Variants in SETD1A observed in about 807,000 individuals in gnomAD.
The protein encoded by SETD1A is histone-lysine N-methyltransferase SETD1A.
In SETD1A, 29 loss-of-function variants were observed where a neutral mutation model predicts 149.9. The ratio of observed to expected loss-of-function variants is 0.19; its 90% CI spans 0.14 to 0.26. SETD1A has a LOEUF of 0.26. Among genes scored for constraint, SETD1A ranks in the 10% least tolerant of loss-of-function variants. The probability of loss-of-function intolerance (pLI) is 1.00; values close to 1 mark genes in which losing one functional copy is unlikely to be tolerated. For synonymous variants in SETD1A, 1,141 were observed against 968.5 expected, an observed-to-expected ratio of 1.18 and a Z score of -3.31; for missense variants, 2,109 against 2,353.1, an observed-to-expected ratio of 0.90 and a Z score of 2.15.
At chr16:30,971,870 G>A (rs1048260374) in intron 13 of SETD1A, 151 bp downstream of exon 13, 14 of 1,123,064 alleles carry the variant, frequency 1.2e-5, no homozygotes, top group Admixed American at 6.9e-5. Flanking sequence ...ACCTTCTAGA[G>A]ACATTGATTG....
In SETD1A at chr16:30,983,807, G is replaced by A. The variant is rs952682570; in HGVS notation, c.4950+35G>A. On this transcript the variant is annotated intron_variant, in intron 18 of 18. Coordinates refer to ENST00000262519, the MANE Select transcript of SETD1A (RefSeq NM_014712.3). This position sits in a 1 kb window ranked among gnomAD's most constrained non-coding sequence, Gnocchi z 6.8. ...GGGCCAGCCGGGGCAGGAGTTGGGG[G>A]TCGGTGGGGGTGGCCACGGCTCACA... 6 of 1,611,790 alleles carry A rather than the reference G, an allele frequency of 3.7e-6. No individual in the cohort carries two copies. The highest frequency in any genetic ancestry group is 5.1e-6 in the Non-Finnish European group (6 of 1,178,530).
At chr16:30,974,280 G>T (rs933506731) in intron 13 of SETD1A, among the ~76,000 whole-genome samples, 1 of 152,138 alleles carries the variant, frequency 6.6e-6, no homozygotes, top group Admixed American at 6.6e-5. Context: ...TAGAAACAGT[G>T]GCAGTTGGAT....
intron 6 of SETD1A, 24 bp downstream of exon 6, chr16:30,964,347 G>T (rs1202054509): frequency 4.4e-6 from 7 of 1,577,184 alleles, no homozygotes; most frequent in Non-Finnish European, 5.2e-6. Flanking sequence ...CCCGCCTGGG[G>T]CCCCGCCCGC....
In SETD1A at chr16:30,965,076, G is replaced by A. The variant is rs1453735016; in HGVS notation, c.1334G>A (p.Gly445Asp). 8 of 1,611,244 alleles carry A rather than the reference G, an allele frequency of 5.0e-6. No individual in the cohort carries two copies. The highest frequency in any genetic ancestry group is 5.9e-6 in the Non-Finnish European group (7 of 1,179,568). The change falls in exon 7 of 19, where the codon GGT (glycine) becomes GAT (aspartate). Residue 445 changes from glycine to aspartate, a missense_variant. Physicochemically the swap from Gly to Asp is moderately conservative, Grantham distance 94. Transcript: ENST00000262519. ...CCTCCAGAACCTGGTGGAGGCGGGG[G>A]TGGAGGAGGGCCCAGCCCTGAGAGA... Reference protein sequence around the residue: ...PEPPEPGGGGGGGGPSPEREE... With the variant: ...PEPPEPGGGGDGGGPSPEREE...
At chr16:30,960,304 C>T (rs1036962017) in intron 3 of SETD1A, among the ~76,000 whole-genome samples, 3 of 152,158 alleles carry the variant, frequency 2.0e-5, no homozygotes, top group African/African-American at 4.8e-5. Flanking sequence ...CCTTATCCTC[C>T]GCCTTGACAC....
At chr16:30,959,311 G>C (rs916705905) in intron 3 of SETD1A, 125 bp downstream of exon 3, 10 of 721,240 alleles carry the variant, frequency 1.4e-5, no homozygotes, top group Non-Finnish European at 2.2e-5. Flanking sequence ...AACCTCTGAG[G>C]CTGTGAGACT....
Position 30,969,669 on chromosome 16 carries a change from A to G in SETD1A, c.2996A>G (p.Lys999Arg). The change falls in exon 12 of 19, where the codon AAG (lysine) becomes AGG (arginine). Residue 999 changes from lysine to arginine, a missense_variant. This residue lies in a region of SETD1A where 832 missense variants were observed against 815.6 expected (regional missense o/e 1.02). Coordinates refer to ENST00000262519, the MANE Select transcript of SETD1A (RefSeq NM_014712.3). ...DREEAVDTTK[K>R]ETEVSDGEDE... ...GAGGAAGCTGTGGATACCACAAAGA[A>G]GGAGACAGAGGTGTCGGATGGTGAG... The G allele has an allele frequency of 6.2e-7, 1 of 1,614,074 alleles. No homozygotes were observed. The highest frequency in any genetic ancestry group is 8.5e-7 in the Non-Finnish European group (1 of 1,179,896).
At chr16:30,976,241 C>T (rs1460904712) in intron 13 of SETD1A, among the ~76,000 whole-genome samples, 3 of 152,132 alleles carry the variant, frequency 2.0e-5, no homozygotes, top group Non-Finnish European at 2.9e-5. Context: ...CAAAAAAAGC[C>T]AGGCATAGTG....
At chr16:30,976,980 G>A (rs934409228) in intron 13 of SETD1A, among the ~76,000 whole-genome samples, 3 of 151,836 alleles carry the variant, frequency 2.0e-5, no homozygotes, top group Admixed American at 6.6e-5. Context: ...ATGGAGTCTC[G>A]CTTTGTCACC....
At chr16:30,968,678 A>G (rs141391708) in intron 10 of SETD1A, among the ~76,000 whole-genome samples, 10,421 of 151,444 alleles carry the variant, frequency 0.069, 487 homozygotes, top group Non-Finnish European at 0.11. Flanking sequence ...GCGGGTGCCT[A>G]TAGTCCCAGC....
At chr16:30,982,339 A>T (rs2143597616) in intron 17 of SETD1A, among the ~76,000 whole-genome samples, 1 of 152,114 alleles carries the variant, frequency 6.6e-6, no homozygotes, top group East Asian at 1.9e-4. Flanking sequence ...CGTCTCTACT[A>T]AAAATACAAA....
In SETD1A at chr16:30,966,374, G is replaced by A. The variant is rs370861743; in HGVS notation, c.2493G>A (p.Glu831=). Residue 831 remains glutamate, a synonymous_variant, in exon 8 of 19, where the codon GAG becomes GAA. Coordinates refer to ENST00000262519, the MANE Select transcript of SETD1A (RefSeq NM_014712.3). ...TTGACCAGTGGTGGGAGAGCAAGGA[G>A]GAGAAGGCCAAGGTGAGGCCAGCGC... ...GAFDQWWESK[E]EKAKPFQNAA... 9 of 1,608,638 alleles carry A rather than the reference G, an allele frequency of 5.6e-6. No individual in the cohort carries two copies. In the African/African-American group the frequency reaches 6.7e-5, roughly 12 times the overall value.
In SETD1A at chr16:30,965,080, A is replaced by G. The variant is rs1475526161; in HGVS notation, c.1338A>G (p.Gly446=). ...CAGAACCTGGTGGAGGCGGGGGTGG[A>G]GGAGGGCCCAGCCCTGAGAGAGAAG... ...EPPEPGGGGG[G]GGPSPEREEV... is the part of the protein sequence containing the mutation. The change falls in exon 7 of 19, where the codon GGA becomes GGG. Residue 446 remains glycine (G), a synonymous_variant. Transcript: ENST00000262519. The G allele has an allele frequency of 1.9e-6, 3 of 1,610,900 alleles. No homozygotes were observed. In the East Asian group the frequency reaches 6.7e-5, roughly 36 times the overall value.
rs1384980927 is a variant in SETD1A, at chr16:30,984,007, G to A, written c.5108G>A (p.Arg1703Gln). ...TGTCTGTGTGGCACAGAGAGCTGCC[G>A]GGGCTCCCTAAACTGAGGTGGGGCA... ...IPCLCGTESCRGSLN is the reference protein window; with the variant it reads ...IPCLCGTESCQGSLN Residue 1703 changes from arginine (R) to glutamine (Q), a missense_variant, in exon 19 of 19, where the codon CGG becomes CAG. By Grantham distance (43) the Arg-to-Gln change is conservative. This residue lies in a region of SETD1A where 254 missense variants were observed against 409.3 expected (regional missense o/e 0.62). Coordinates refer to ENST00000262519, the MANE Select transcript of SETD1A (RefSeq NM_014712.3). 10 of 1,613,186 alleles carry A rather than the reference G, an allele frequency of 6.2e-6. No homozygotes were observed. The highest frequency in any genetic ancestry group is 7.6e-6 in the Non-Finnish European group (9 of 1,179,548).
At chr16:30,965,499 T>C in intron 7 of SETD1A, 38 bp downstream of exon 7, 1 of 1,582,368 alleles carries the variant, frequency 6.3e-7, no homozygotes, top group Non-Finnish European at 8.6e-7. Context: ...ACCTGGGCTC[T>C]GGGAGTCAGG....
intron 17 of SETD1A, among the ~76,000 whole-genome samples, chr16:30,982,756 C>CAG (rs1338539701): frequency 6.6e-6 from 1 of 151,892 alleles, no homozygotes; most frequent in Non-Finnish European, 1.5e-5. Flanking sequence ...GCAAGGGTGG[C>CAG]CCGACCCAAG....
rs1248299596 is a variant in SETD1A, at chr16:30,980,980, C to T, written c.4693-81C>T. 1 of 1,591,908 alleles carries T rather than the reference C, an allele frequency of 6.3e-7. No homozygotes were observed. The highest frequency in any genetic ancestry group is 1.3e-5 in the African/African-American group (1 of 74,600). On this transcript the variant is annotated intron_variant, in intron 16 of 18. Transcript: ENST00000262519. The surrounding 1 kb of genome is among the most constrained non-coding windows in gnomAD (Gnocchi z 7.7). ...GGGGGGTAAGCAGCCAGAACACCCT[C>T]TGCCCAGGAAGTCTGTGGGAAGAGT...
Position 30,980,111 on chromosome 16 carries a change from A to T in SETD1A, c.4325A>T (p.Tyr1442Phe), listed in dbSNP as rs1413233277. Residue 1442 changes from tyrosine to phenylalanine, a missense_variant, in exon 14 of 19, where the codon TAC becomes TTC. Physicochemically the swap from Tyr to Phe is conservative, Grantham distance 22. Around this residue, in one of 8 missense-constraint regions of SETD1A, gnomAD observed 254 missense variants for 409.3 expected, o/e 0.62. Transcript: ENST00000262519. This position sits in a 1 kb window ranked among gnomAD's most constrained non-coding sequence, Gnocchi z 7.7. ...NSGLDSEDMS[Y>F]LRLTYERLLQ... ...GGCCTGGACTCAGAGGACATGAGTT[A>T]CCTGCGGCTTACGTACGAGCGGCTG... 6.2e-7 allele frequency: 1 copy of T among 1,610,960 alleles called. No homozygotes were observed. The highest frequency in any genetic ancestry group is 1.3e-5 in the African/African-American group (1 of 74,640).
chr16:30,968,226 A>G (rs1033414663), intron 10 of SETD1A, among the ~76,000 whole-genome samples: 14 of 151,820 alleles, frequency 9.2e-5, no homozygotes, highest in African/African-American at 3.4e-4. Flanking sequence ...CCAACATGGC[A>G]CAACCCTGTC....
Sources: gnomAD v4.1 joint callset for allele counts (sites outside exome capture counted in the v4.1 genomes callset) on GRCh38, gnomAD v4.1.1 for gene constraint, gnomAD v4.1.1 regional missense constraint, Gnocchi (gnomAD v3.1) non-coding constraint, MANE v1.5 for transcripts, NCBI Gene and HGNC (gene_info 2026-07-23, HGNC 2026-07-21) for gene names.